Variants in FER1L5 observed in about 807,000 individuals in gnomAD.
FER1L5 encodes fer-1-like protein 5.
Under a neutral mutation model 279.9 loss-of-function variants are expected in FER1L5, and 187 were observed. That is an observed-to-expected ratio of 0.67 (90% CI 0.59 to 0.75). FER1L5 has a LOEUF of 0.75. Ranked by LOEUF, FER1L5 falls within the 30% of genes least tolerant of loss-of-function variation. The pLI is 0.00. For synonymous variants in FER1L5, 921 were observed against 989.7 expected, an observed-to-expected ratio of 0.93 and a Z score of 1.30; for missense variants, 2,091 against 2,594.4, an observed-to-expected ratio of 0.81 and a Z score of 4.21.
chr2:96,659,312 T>G (rs1440917669), intron 9 of FER1L5, among the ~76,000 whole-genome samples: 1 of 49,906 alleles, frequency 2.0e-5, no homozygotes, highest in East Asian at 6.5e-4. Flanking sequence ...CTTCCTTCCT[T>G]CCTTCCTTCC....
Position 96,699,268 on chromosome 2 carries a change from C to G in FER1L5, c.4610+132C>G, listed in dbSNP as rs993144034. The G allele has an allele frequency of 2.5e-5, 24 of 958,648 alleles. No individual in the cohort carries two copies. In the Admixed American group the frequency reaches 3.6e-4, roughly 14 times the overall value. 59.4% of individuals were successfully genotyped at this position (958,648 alleles called of 1,614,324 possible). Reference sequence around the variant, plus strand: ...TTCCCACCACAGCGTCTTACATGCCCTGGTGCTCAACAGATAGAAGACAAA... The same window carrying G: ...TTCCCACCACAGCGTCTTACATGCCGTGGTGCTCAACAGATAGAAGACAAA... On this transcript the variant is annotated intron_variant, in intron 42 of 52. Transcript: ENST00000624922.
At chr2:96,678,921 T>A (rs2076611110) in intron 19 of FER1L5, among the ~76,000 whole-genome samples, 2 of 152,236 alleles carry the variant, frequency 1.3e-5, no homozygotes, top group Non-Finnish European at 2.9e-5. Flanking sequence ...GTCTTTTCAT[T>A]TTCTTAGTAG....
chr2:96,699,909 T>C (rs1294456726), intron 43 of FER1L5, 23 bp from the exon 44 acceptor site: 1 of 1,612,292 alleles, frequency 6.2e-7, no homozygotes, highest in Admixed American at 1.7e-5. Flanking sequence ...CCTCCAGACC[T>C]CTTCCTCTCA....
Position 96,662,262 on chromosome 2 carries a change from G to A in FER1L5, c.1066G>A (p.Glu356Lys), listed in dbSNP as rs1204523682. The change falls in exon 13 of 53, where the codon GAA (glutamate) becomes AAA (lysine). Residue 356 changes from glutamate to lysine, a missense_variant. Physicochemically the swap from Glu to Lys is moderately conservative, Grantham distance 56 (BLOSUM62 1). Transcript: ENST00000624922. Reference protein sequence around the residue: ...NPQLEVELIGEKLRTHMQTQT... With the variant: ...NPQLEVELIGKKLRTHMQTQT... ...TCAGTTGGAGGTGGAACTAATTGGG[G>A]AAAAGGTAAGTGTAGAAATATTCTG... 1.9e-6 allele frequency: 3 copies of A among 1,551,384 alleles called. No individual in the cohort carries two copies. Among genetic ancestry groups the A allele is most frequent in the Non-Finnish European group, 2.6e-6 (3 of 1,146,878 alleles).
At chr2:96,686,841 G>GCC (rs1439587971) in intron 23 of FER1L5, among the ~76,000 whole-genome samples, 2 of 135,658 alleles carry the variant, frequency 1.5e-5, no homozygotes, top group Admixed American at 7.8e-5. Flanking sequence ...GGGTGACAGA[G>GCC]CGAGACTCCG....
At chr2:96,672,069 T>TA (rs1228825126) in intron 18 of FER1L5, among the ~76,000 whole-genome samples, 3 of 150,970 alleles carry the variant, frequency 2.0e-5, no homozygotes, top group Non-Finnish European at 4.4e-5. Context: ...ACCACATCTC[T>TA]AAAAAAAAAG....
chr2:96,673,439 C>A (rs2076400916), intron 19 of FER1L5, among the ~76,000 whole-genome samples, 185 bp downstream of exon 19: 1 of 151,984 alleles, frequency 6.6e-6, no homozygotes, highest in African/African-American at 2.4e-5. Context: ...AGGTGGTGAA[C>A]CCATGAGTTG....
chr2:96,693,241 G>A (rs374793613), intron 31 of FER1L5, among the ~76,000 whole-genome samples: 10 of 152,102 alleles, frequency 6.6e-5, no homozygotes, highest in Non-Finnish European at 2.9e-5. Context: ...TCCTCCAGAG[G>A]ATCCCCTGCC....
chr2:96,704,486 T>G lies in FER1L5; in HGVS notation c.5968T>G (p.Trp1990Gly). 6.2e-7 allele frequency: 1 copy of G among 1,613,970 alleles called. No homozygotes were observed. Among genetic ancestry groups the G allele is most frequent in the Non-Finnish European group, 8.5e-7 (1 of 1,179,892 alleles). Residue 1990 changes from tryptophan (W) to glycine (G), a missense_variant, in exon 53 of 53, where the codon TGG becomes GGG. Physicochemically the swap from Trp to Gly is radical, Grantham distance 184 (BLOSUM62 -2). Coordinates refer to ENST00000624922, the MANE Select transcript of FER1L5 (RefSeq NM_001293083.2). ...YSAPHYLAMS[W>G]IKPQLQLYPP... ...TCTCTAGCACTATTTGGCCATGAGC[T>G]GGATCAAACCTCAACTTCAGCTGTA...
rs939485895 is a variant in FER1L5 at position 96,690,682 on chromosome 2, A to G, written c.2743+93A>G. 12 of 1,189,630 alleles carry G rather than the reference A, an allele frequency of 1.0e-5. No individual in the cohort carries two copies. In the African/African-American group the frequency reaches 1.5e-4, roughly 15 times the overall value. The allele number at this position is 1,189,630 out of a possible 1,614,324, so 73.7% of individuals were successfully genotyped here. On this transcript the variant is annotated intron_variant, in intron 27 of 52. Coordinates refer to ENST00000624922, the MANE Select transcript of FER1L5 (RefSeq NM_001293083.2). ...TGGGATCAGAGCAGCCAAGCCCTCC[A>G]TGGTATACGCCTAAATTCCTGGGGC...
In FER1L5 at chr2:96,643,639, C is replaced by T. The variant is rs181435171; in HGVS notation, c.85+718C>T. On this transcript the variant is annotated intron_variant, in intron 1 of 52. Transcript: ENST00000624922. ...TGCTGGGATTACAGGCGTGAGCCAC[C>T]GCGCCCAGCCTACAAAGCCTTTTCA... Among the ~76,000 whole-genome samples the T allele has an allele frequency of 8.0e-4, 122 of 152,134 alleles. 1 individual carries two copies. In the East Asian group the frequency reaches 0.023, roughly 29 times the overall value.
At chr2:96,703,119 C>G in intron 49 of FER1L5, 34 bp from the exon 50 acceptor site, 1 of 1,613,072 alleles carries the variant, frequency 6.2e-7, no homozygotes, top group East Asian at 2.2e-5. Context: ...GGACAGGGAG[C>G]TCCTTCTTGC....
chr2:96,703,437 C>A, intron 50 of FER1L5, 86 bp from the exon 51 acceptor site: 1 of 1,605,482 alleles, frequency 6.2e-7, no homozygotes, highest in Non-Finnish European at 8.5e-7. Flanking sequence ...AATCCCTTTT[C>A]CTTTCTTGAT....
In FER1L5 at chr2:96,704,881, A is replaced by G; in HGVS notation, c.*189A>G. On this transcript the variant is annotated 3_prime_UTR_variant, in exon 53 of 53. Transcript: ENST00000624922. ...TCCACTGAAATAAACAAGTTCTATA[A>G]CAGAGAGCCATCTTGTAATTTGGGG... is the stretch of plus-strand genomic sequence containing the variant. 1.7e-6 allele frequency: 1 copy of G among 597,992 alleles called. No individual in the cohort carries two copies. The highest frequency in any genetic ancestry group is 2.9e-6 in the Non-Finnish European group (1 of 340,042). 37.0% of individuals were successfully genotyped at this position (597,992 alleles called of 1,614,324 possible).
At chr2:96,664,686 A>G (rs1341273968) in intron 14 of FER1L5, among the ~76,000 whole-genome samples, 2 of 152,172 alleles carry the variant, frequency 1.3e-5, no homozygotes, top group African/African-American at 4.8e-5. Context: ...CATTTCTCTT[A>G]GGTAAATATG....
Position 96,700,432 on chromosome 2 carries a change from C to G in FER1L5, c.5031C>G (p.Thr1677=), listed in dbSNP as rs1437932743. Residue 1677 remains threonine, a synonymous_variant, in exon 45 of 53, where the codon ACC becomes ACG. Transcript: ENST00000624922. ...GGCTGGTACCTGAGCACGTGGAGACCCGCACACTGTACAGCCACAGCCAGC... is the reference window on the plus strand; with the variant it reads ...GGCTGGTACCTGAGCACGTGGAGACGCGCACACTGTACAGCCACAGCCAGC... The part of the protein sequence containing the change: ...TQGLVPEHVE[T]RTLYSHSQPG... 1.2e-6 allele frequency: 2 copies of G among 1,613,616 alleles called. No individual in the cohort carries two copies. Among genetic ancestry groups the G allele is most frequent in the Non-Finnish European group, 1.7e-6 (2 of 1,179,882 alleles).
At chr2:96,647,958 C>A in intron 4 of FER1L5, 72 bp downstream of exon 4, 1 of 1,204,820 alleles carries the variant, frequency 8.3e-7, no homozygotes, top group Non-Finnish European at 1.2e-6. Flanking sequence ...CGGCCCACAC[C>A]ACAAGAGTGC....
chr2:96,662,933 C>G (rs946524448), intron 13 of FER1L5, among the ~76,000 whole-genome samples: 9 of 152,156 alleles, frequency 5.9e-5, no homozygotes, highest in African/African-American at 2.2e-4. Flanking sequence ...GTAAGTGACA[C>G]GCAGTTCTCA....
Position 96,676,635 on chromosome 2 carries a change from T to G in FER1L5, c.1669+3381T>G, listed in dbSNP as rs72809817. Among the ~76,000 whole-genome samples, 1,298 of 151,878 alleles carry G rather than the reference T, an allele frequency of 8.5e-3. 16 individuals carry two copies. Among genetic ancestry groups the G allele is most frequent in the Non-Finnish European group, 0.012 (802 of 67,934 alleles). ...CGTTTTCATCAGGTATTTTTTGTTT[T>G]TTTTTTTTTTTAGTATTACATTCTA... On this transcript the variant is annotated intron_variant, in intron 19 of 52. Coordinates refer to ENST00000624922, the MANE Select transcript of FER1L5 (RefSeq NM_001293083.2).
Sources: allele counts gnomAD v4.1 joint callset (sites outside exome capture counted in the v4.1 genomes callset), GRCh38; gene constraint gnomAD v4.1.1; transcripts MANE v1.5; gene names NCBI Gene and HGNC (gene_info 2026-07-23, HGNC 2026-07-21).